Variants in LINC00632 observed in about 807,000 individuals in gnomAD.
The protein encoded by LINC00632 is ALDOA related specific transcript.
At chrX:140,781,494 G>T (rs994358093) in exon 5 of LINC00632, among the ~76,000 whole-genome samples, 1 of 111,320 alleles carries the variant, frequency 9.0e-6, no homozygotes, top group Non-Finnish European at 1.9e-5. Context: ...AAGGCTCCCT[G>T]TTTGGGCAAT....
At chrX:140,721,925 G>C (rs746809753) in intron 2 of LINC00632, among the ~76,000 whole-genome samples, 1 of 110,525 alleles carries the variant, frequency 9.0e-6, no homozygotes, top group African/African-American at 3.3e-5. Flanking sequence ...ACCCAGACAT[G>C]CCCCACATAA....
chrX:140,730,138 G>A (rs1051176182), intron 2 of LINC00632, among the ~76,000 whole-genome samples: 2 of 110,615 alleles, frequency 1.8e-5, no homozygotes, highest in African/African-American at 6.6e-5. Flanking sequence ...GCCTCCCAGT[G>A]CGCTGGGATT....
At chrX:140,740,000 GTC>G (rs1931200063) in intron 3 of LINC00632, among the ~76,000 whole-genome samples, 1 of 111,822 alleles carries the variant, frequency 8.9e-6, no homozygotes, top group Non-Finnish European at 1.9e-5. Flanking sequence ...TTTTATCAGA[GTC>G]CTCTTAAATA....
intron 1 of LINC00632, among the ~76,000 whole-genome samples, chrX:140,710,096 G>A (rs1329158701): frequency 8.9e-6 from 1 of 112,186 alleles, no homozygotes; most frequent in Non-Finnish European, 1.9e-5. Context: ...TTACTAAATT[G>A]GAGAATTGCT....
intron 2 of LINC00632, among the ~76,000 whole-genome samples, chrX:140,724,080 A>C (rs1246956211): frequency 1.1e-5 from 1 of 87,018 alleles, no homozygotes; most frequent in Non-Finnish European, 2.3e-5. Flanking sequence ...ATACCCACAC[A>C]CACACATTCG....
chrX:140,760,154 C>T (rs1188548969), intron 3 of LINC00632, among the ~76,000 whole-genome samples: 4 of 111,594 alleles, frequency 3.6e-5, no homozygotes, highest in Non-Finnish European at 7.5e-5. Flanking sequence ...GATGTGGGAG[C>T]CTGGGGATTG....
At chrX:140,742,907 AAAAGGG>A (rs1556024017) in intron 3 of LINC00632, among the ~76,000 whole-genome samples, 19 of 103,698 alleles carry the variant, frequency 1.8e-4, no homozygotes, top group Non-Finnish European at 2.9e-4. Flanking sequence ...AAAGGAAAGG[AAAAGGG>A]AAAGGGAAAG....
chrX:140,767,194 TAA>T (rs1424170104), intron 3 of LINC00632, among the ~76,000 whole-genome samples: 1 of 111,364 alleles, frequency 9.0e-6, no homozygotes, highest in East Asian at 2.8e-4. Context: ...CTTTCCTGCT[TAA>T]TAAATGTGTG....
chrX:140,730,912 T>C (rs749061983), intron 2 of LINC00632, among the ~76,000 whole-genome samples: 144 of 110,660 alleles, frequency 1.3e-3, no homozygotes, highest in Non-Finnish European at 2.2e-3. Context: ...TTCTTTCTTT[T>C]TTTTTTTGAG....
At chrX:140,756,396 T>C (rs1354019613) in intron 3 of LINC00632, among the ~76,000 whole-genome samples, 1 of 112,334 alleles carries the variant, frequency 8.9e-6, no homozygotes, top group Non-Finnish European at 1.9e-5. Flanking sequence ...CAAGATCGAA[T>C]GCCAATTAAT....
chrX:140,742,757 A>G (rs375315553), intron 3 of LINC00632, among the ~76,000 whole-genome samples: 38 of 107,514 alleles, frequency 3.5e-4, no homozygotes, highest in African/African-American at 1.2e-3. Flanking sequence ...ATGGAAAGCA[A>G]TTAGTGTGAC....
intron 3 of LINC00632, among the ~76,000 whole-genome samples, chrX:140,748,231 A>G (rs916568003): frequency 4.5e-5 from 5 of 112,326 alleles, no homozygotes; most frequent in African/African-American, 1.6e-4. Flanking sequence ...CTGGGATAGA[A>G]GAATATAAAA....
exon 2 of LINC00632, chrX:140,711,626 A>T (rs1203528121): frequency 3.1e-6 from 1 of 319,514 alleles, no homozygotes; most frequent in Admixed American, 3.5e-5. Context: ...CCTAGGAAAA[A>T]TTCGTAGACA....
intron 3 of LINC00632, among the ~76,000 whole-genome samples, chrX:140,754,546 CTTGT>C (rs1027586471): frequency 9.0e-6 from 1 of 111,484 alleles, no homozygotes; most frequent in African/African-American, 3.3e-5. Context: ...GCTGCTGCTT[CTTGT>C]TTGAGTTTCT....
At chrX:140,740,667 A>T (rs1931211233) in intron 3 of LINC00632, among the ~76,000 whole-genome samples, 1 of 110,804 alleles carries the variant, frequency 9.0e-6, no homozygotes, top group Non-Finnish European at 1.9e-5. Flanking sequence ...GGCCAACTTC[A>T]TGAGCAAAAG....
At chrX:140,758,546 G>A (rs1358125530) in intron 3 of LINC00632, among the ~76,000 whole-genome samples, 1 of 110,078 alleles carries the variant, frequency 9.1e-6, no homozygotes, top group Non-Finnish European at 1.9e-5. Context: ...GCTAATTTTT[G>A]TTTTTATTTT....
chrX:140,743,354 C>T (rs1368763534), intron 3 of LINC00632, among the ~76,000 whole-genome samples: 1 of 103,761 alleles, frequency 9.6e-6, no homozygotes, highest in African/African-American at 3.7e-5. Flanking sequence ...GGAGAAGTAA[C>T]AGGAAGTTTT....
At chrX:140,745,364 C>T (rs888229471) in intron 3 of LINC00632, among the ~76,000 whole-genome samples, 2 of 110,503 alleles carry the variant, frequency 1.8e-5, no homozygotes, top group African/African-American at 6.6e-5. Flanking sequence ...GAAGACAGCA[C>T]CTATGTTTCA....
chrX:140,755,696 T>C (rs909521513), intron 3 of LINC00632, among the ~76,000 whole-genome samples: 1 of 111,828 alleles, frequency 8.9e-6, no homozygotes, highest in Admixed American at 9.5e-5. Flanking sequence ...CAGAGTTTAA[T>C]TTGGTAGCTA....
Sources: allele counts gnomAD v4.1 joint callset (sites outside exome capture counted in the v4.1 genomes callset), GRCh38; gene constraint gnomAD v4.1.1; transcripts MANE v1.5; gene names NCBI Gene and HGNC (gene_info 2026-07-23, HGNC 2026-07-21).